CDKL4: variants seen among roughly 807,000 people sequenced by gnomAD.
The protein encoded by CDKL4 is cyclin dependent kinase like 4, also known as cyclin-dependent kinase-like 4.
In CDKL4, 44 loss-of-function variants were observed where a neutral mutation model predicts 42.0. The observed-to-expected ratio is 1.05, with a 90% CI of 0.82 to 1.35. The LOEUF is 1.35. Among genes scored for constraint, CDKL4 ranks in the 40% most tolerant of loss-of-function variants. The pLI is 0.00. For missense variants in CDKL4, 393 were observed against 369.9 expected, an observed-to-expected ratio of 1.06 and a Z score of -0.51; for synonymous variants, 120 against 121.6, an observed-to-expected ratio of 0.99 and a Z score of 0.09.
intron 3 of CDKL4, among the ~76,000 whole-genome samples, chr2:39,221,132 GCCT>G (rs1678336260): frequency 6.6e-6 from 1 of 150,870 alleles, no homozygotes; most frequent in Non-Finnish European, 1.5e-5. Flanking sequence ...TCCTGCCTCA[GCCT>G]CCTAAGTAGC....
At chr2:39,185,548 C>G (rs1210589498) in intron 7 of CDKL4, among the ~76,000 whole-genome samples, 1 of 149,066 alleles carries the variant, frequency 6.7e-6, no homozygotes, top group Non-Finnish European at 1.5e-5. Context: ...CAGCAAGCTC[C>G]GCCTCCCGGG....
Position 39,190,798 on chromosome 2 carries a change from A to T in CDKL4, c.455-296T>A, listed in dbSNP as rs142600601. 7.7e-4 allele frequency among the ~76,000 whole-genome samples: 117 copies of T among 152,254 alleles called. 1 individual carries two copies. Among genetic ancestry groups the T allele is most frequent in the Admixed American group, 4.6e-3 (71 of 15,290 alleles). ...GAGTGTGACTTTAAGTCTAAACCGC[A>T]TTGTTGGTTTCCACTTTACCATCAG... On this transcript the variant is annotated intron_variant, in intron 5 of 9. Coordinates refer to ENST00000451199, the Ensembl canonical transcript of CDKL4.
chr2:39,193,128 T>TAA lies in CDKL4; in HGVS notation c.455-2628_455-2627dup, dbSNP rs747083150. On this transcript the variant is annotated intron_variant, in intron 5 of 9. Coordinates refer to ENST00000451199, the Ensembl canonical transcript of CDKL4. ...AGGCTACAGAGCGAGACTCCATCTCTAAAAAAAAAAAAAAAAAAAAAGGAG... is the reference window on the plus strand; with the variant it reads ...AGGCTACAGAGCGAGACTCCATCTCTAAAAAAAAAAAAAAAAAAAAAAAGGAG... Among the ~76,000 whole-genome samples, 264 of 83,450 alleles carry TAA rather than the reference T, an allele frequency of 3.2e-3. 3 individuals carry two copies. The highest frequency in any genetic ancestry group is 0.012 in the African/African-American group (251 of 21,660). 54.7% of individuals were successfully genotyped at this position (83,450 alleles called of 152,430 possible).
At chr2:39,200,193 C>A (rs775752578) in intron 5 of CDKL4, among the ~76,000 whole-genome samples, 38 of 152,076 alleles carry the variant, frequency 2.5e-4, no homozygotes, top group Non-Finnish European at 4.6e-4. Flanking sequence ...TATATACCAA[C>A]AACAACCAAG....
intron 9 of CDKL4, chr2:39,178,885 T>A: frequency 6.8e-7 from 1 of 1,465,630 alleles, no homozygotes; most frequent in South Asian, 1.5e-5. Flanking sequence ...TTTTATTATA[T>A]GAAGTTGTTA....
intron 1 of CDKL4, among the ~76,000 whole-genome samples, chr2:39,237,375 G>A (rs1679428937): frequency 6.6e-6 from 1 of 152,026 alleles, no homozygotes; most frequent in African/African-American, 2.4e-5. Flanking sequence ...GAATACAAGG[G>A]GACTTCCTCA....
At chr2:39,187,840 G>T in intron 6 of CDKL4, 131 bp from the exon 7 acceptor site, 1 of 611,810 alleles carries the variant, frequency 1.6e-6, no homozygotes, top group Non-Finnish European at 2.9e-6. Flanking sequence ...GGCTACGGCA[G>T]GTGGATCACT....
intron 4 of CDKL4, among the ~76,000 whole-genome samples, chr2:39,207,024 T>C (rs1253141386): frequency 2.0e-5 from 3 of 152,134 alleles, no homozygotes; most frequent in African/African-American, 7.2e-5. Flanking sequence ...TCATAATTTG[T>C]ATGAAGAGCA....
intron 6 of CDKL4, 49 bp from the exon 7 acceptor site, chr2:39,187,758 T>C (rs1230610523): frequency 3.0e-6 from 4 of 1,351,824 alleles, no homozygotes; most frequent in Admixed American, 3.5e-5. Context: ...CAAAGAATAA[T>C]CAAGTGTTTA....
At chr2:39,202,432 ATTCT>A (rs1340963148) in intron 5 of CDKL4, among the ~76,000 whole-genome samples, 2 of 152,286 alleles carry the variant, frequency 1.3e-5, no homozygotes, top group Admixed American at 6.5e-5. Context: ...CTGGCTATTA[ATTCT>A]TTATTAGGTA....
intron 1 of CDKL4, among the ~76,000 whole-genome samples, chr2:39,241,755 A>G (rs911852477): frequency 2.0e-5 from 3 of 152,146 alleles, no homozygotes; most frequent in African/African-American, 7.2e-5. Flanking sequence ...CTCTGCTCGC[A>G]TGCTATGTTA....
rs751911303 is a variant in CDKL4, at chr2:39,225,832, T to C, written c.290+7A>G. The C allele has an allele frequency of 6.3e-7, 1 of 1,596,620 alleles. No homozygotes were observed. The highest frequency in any genetic ancestry group is 1.8e-5 in the Admixed American group (1 of 56,870). Reference sequence around the variant, plus strand: ...CTGTACAGAATTTCAGTTTCCAGATTACTTACCCATTTGGGTTTCTTTCCA... The same window carrying C: ...CTGTACAGAATTTCAGTTTCCAGATCACTTACCCATTTGGGTTTCTTTCCA... On this transcript the variant is annotated splice_region_variant and intron_variant, in intron 3 of 9. Transcript: ENST00000451199.
chr2:39,197,669 T>C (rs1442829291), intron 5 of CDKL4, among the ~76,000 whole-genome samples: 2 of 152,222 alleles, frequency 1.3e-5, no homozygotes, highest in Non-Finnish European at 2.9e-5. Flanking sequence ...CTAGAGGGGA[T>C]TGAGGTCCTA....
chr2:39,224,394 T>A lies in CDKL4; in HGVS notation c.290+1445A>T, dbSNP rs563508678. ...TGTTCATTTAAATAAAATCCTTACA[T>A]ATCTCAGTTTTGTAGTTGTCTTCAT... On this transcript the variant is annotated intron_variant, in intron 3 of 9. Transcript: ENST00000451199. Among the ~76,000 whole-genome samples, 36 of 152,168 alleles carry A rather than the reference T, an allele frequency of 2.4e-4. No individual in the cohort carries two copies. The South Asian group carries it at 2.9e-3, about 12-fold the overall frequency.
chr2:39,241,926 A>G (rs1679680099), intron 1 of CDKL4, among the ~76,000 whole-genome samples: 1 of 152,260 alleles, frequency 6.6e-6, no homozygotes, highest in South Asian at 2.1e-4. Flanking sequence ...AGCAAAGGCA[A>G]TAAGTACATT....
At chr2:39,169,660 C>T in the CDKL4 span, among the ~76,000 whole-genome samples, 4 of 152,254 alleles carry the variant, frequency 2.6e-5, no homozygotes, top group South Asian at 8.3e-4. Context: ...GAGAAAACAG[C>T]AAAGCTACAG....
chr2:39,192,544 T>TTC (rs1210349513), intron 5 of CDKL4, among the ~76,000 whole-genome samples: 1 of 151,232 alleles, frequency 6.6e-6, no homozygotes, highest in Non-Finnish European at 1.5e-5. Context: ...AAAAAATTTT[T>TTC]TTTTTTTTGT....
chr2:39,204,822 T>C (rs1047108321), intron 4 of CDKL4, among the ~76,000 whole-genome samples: 8 of 152,156 alleles, frequency 5.3e-5, no homozygotes, highest in African/African-American at 1.9e-4. Context: ...AAAATATTGT[T>C]TTATTATTGA....
At chr2:39,237,321 C>T (rs1375686317) in intron 1 of CDKL4, among the ~76,000 whole-genome samples, 1 of 152,018 alleles carries the variant, frequency 6.6e-6, no homozygotes, top group Non-Finnish European at 1.5e-5. Flanking sequence ...CACCTTAGTA[C>T]ACACAAAAAA....
Sources: gnomAD v4.1 joint callset for allele counts (sites outside exome capture counted in the v4.1 genomes callset) on GRCh38, gnomAD v4.1.1 for gene constraint, MANE v1.5 for transcripts, NCBI Gene and HGNC (gene_info 2026-07-23, HGNC 2026-07-21) for gene names.